Variants in DPH6 observed in about 807,000 individuals in gnomAD.
The protein encoded by DPH6 is diphthamine biosynthesis 6.
Under a neutral mutation model 38.2 loss-of-function variants are expected in DPH6, and 33 were observed. That is an observed-to-expected ratio of 0.86 (90% CI 0.65 to 1.15). The LOEUF is 1.15. Among genes scored for constraint, DPH6 ranks in the 50% most tolerant of loss-of-function variants. The pLI is 0.00. For synonymous variants in DPH6, 108 were observed against 103.0 expected (o/e 1.05, Z -0.30); for missense variants, 325 against 320.0 (o/e 1.02, Z -0.12).
intron 3 of DPH6, among the ~76,000 whole-genome samples, chr15:35,245,340 G>T (rs1022390584): frequency 4.2e-5 from 6 of 141,360 alleles, no homozygotes; most frequent in Non-Finnish European, 7.5e-5. Flanking sequence ...CCGGGTTCAC[G>T]CCATTCTCCT....
intron 4 of DPH6, among the ~76,000 whole-genome samples, chr15:35,451,538 C>T (rs746611032): frequency 3.9e-5 from 6 of 152,122 alleles, no homozygotes; most frequent in Non-Finnish European, 7.4e-5. Flanking sequence ...TCCTTTTCTT[C>T]GCATTCCACA....
intron 3 of DPH6, among the ~76,000 whole-genome samples, chr15:35,224,100 GTTTTTTTT>G (rs142813866): frequency 1.5e-4 from 13 of 88,910 alleles, no homozygotes; most frequent in South Asian, 4.6e-4. Flanking sequence ...CATGATTTTA[GTTTTTTTT>G]TTTTTTTTTT....
chr15:35,513,010 T>C (rs1041427944), intron 3 of DPH6, among the ~76,000 whole-genome samples: 1 of 152,032 alleles, frequency 6.6e-6, no homozygotes, highest in Non-Finnish European at 1.5e-5. Context: ...AGGCACATGA[T>C]AGAATATTAA....
intron 5 of DPH6, among the ~76,000 whole-genome samples, chr15:35,438,332 A>C (rs1004212081): frequency 3.9e-5 from 6 of 152,132 alleles, no homozygotes; most frequent in African/African-American, 1.4e-4. Context: ...ATCTCAGCTT[A>C]CTGCAACCTC....
the DPH6 span, among the ~76,000 whole-genome samples, chr15:35,206,035 T>C: frequency 6.6e-6 from 1 of 152,160 alleles, no homozygotes; most frequent in Non-Finnish European, 1.5e-5. Context: ...GATTTGGTAG[T>C]ATTTAAGAAA....
chr15:35,173,474 TCTC>T, the DPH6 span, among the ~76,000 whole-genome samples: 913 of 152,242 alleles, frequency 6.0e-3, 11 homozygotes, highest in African/African-American at 0.021. Flanking sequence ...TCCTAACTGG[TCTC>T]CTCAACTCCA....
intron 7 of DPH6, among the ~76,000 whole-genome samples, chr15:35,377,600 AG>A (rs2052798899): frequency 6.6e-6 from 1 of 152,172 alleles, no homozygotes; most frequent in South Asian, 2.1e-4. Context: ...CTTAAAAGCT[AG>A]GCTATAATTC....
At chr15:35,414,814 T>C (rs1354460043) in intron 5 of DPH6, among the ~76,000 whole-genome samples, 1 of 151,872 alleles carries the variant, frequency 6.6e-6, no homozygotes, top group Non-Finnish European at 1.5e-5. Context: ...TTCATGACTA[T>C]GTTTCATTTC....
intron 3 of DPH6, among the ~76,000 whole-genome samples, chr15:35,496,568 ATAT>A (rs1395592062): frequency 1.8e-4 from 9 of 50,684 alleles, no homozygotes; most frequent in African/African-American, 7.4e-4. Flanking sequence ...AAAAAAAAAA[ATAT>A]ATATATATAT....
chr15:35,456,488 T>A (rs1464101042), intron 3 of DPH6, among the ~76,000 whole-genome samples: 2 of 141,450 alleles, frequency 1.4e-5, no homozygotes, highest in African/African-American at 2.9e-5. Flanking sequence ...TTTATTTATT[T>A]ATTATTATTT....
the DPH6 span, among the ~76,000 whole-genome samples, chr15:35,149,934 G>C: frequency 6.6e-6 from 1 of 152,192 alleles, no homozygotes; most frequent in Non-Finnish European, 1.5e-5. Context: ...TGGACAGTGA[G>C]TGCAGAAATA....
At chr15:35,246,903 T>C (rs318342) in intron 3 of DPH6, among the ~76,000 whole-genome samples, 83,693 of 152,048 alleles carry the variant, frequency 0.55, 26,639 homozygotes, top group Non-Finnish European at 0.73. Flanking sequence ...TTTATGGCTG[T>C]GTAGATCTTC....
the DPH6 span, among the ~76,000 whole-genome samples, chr15:35,157,689 G>T: frequency 2.0e-5 from 3 of 152,030 alleles, no homozygotes; most frequent in African/African-American, 7.2e-5. Context: ...GAGACACACA[G>T]AATGGATGCT....
chr15:35,300,249 A>T (rs1427654273), intron 3 of DPH6, among the ~76,000 whole-genome samples: 1 of 152,266 alleles, frequency 6.6e-6, no homozygotes, highest in African/African-American at 2.4e-5. Context: ...CATAGGCCAC[A>T]GTGAGAAGCT....
chr15:35,216,643 C>G (rs778839044), downstream of DPH6, among the ~76,000 whole-genome samples: 4 of 152,016 alleles, frequency 2.6e-5, no homozygotes, highest in Non-Finnish European at 5.9e-5. Context: ...AAATTTTTAC[C>G]AAGTGCCTAT....
chr15:35,363,094 T>C (rs1348973387), intron 3 of DPH6, among the ~76,000 whole-genome samples: 1 of 152,196 alleles, frequency 6.6e-6, no homozygotes, highest in Non-Finnish European at 1.5e-5. Flanking sequence ...CTAGTTTCCT[T>C]GAAAATAATA....
At chr15:35,298,634 A>G in intron 3 of DPH6, 2 of 1,045,754 alleles carry the variant, frequency 1.9e-6, no homozygotes, top group Non-Finnish European at 3.0e-6. Flanking sequence ...CTTGCCACCA[A>G]GCTTGCTGGT....
At chr15:35,294,526 C>T (rs2052001863) in intron 3 of DPH6, among the ~76,000 whole-genome samples, 1 of 152,124 alleles carries the variant, frequency 6.6e-6, no homozygotes, top group African/African-American at 2.4e-5. Flanking sequence ...TCAACAGTAC[C>T]TCCTGTTGGT....
intron 1 of DPH6, among the ~76,000 whole-genome samples, chr15:35,544,112 G>GT (rs1168283916): frequency 1.3e-5 from 2 of 152,172 alleles, no homozygotes; most frequent in African/African-American, 4.8e-5. Flanking sequence ...AAGTACACAT[G>GT]TATGTTAGGT....
Sources: gnomAD v4.1 joint callset for allele counts (sites outside exome capture counted in the v4.1 genomes callset) on GRCh38, gnomAD v4.1.1 for gene constraint, MANE v1.5 for transcripts, NCBI Gene and HGNC (gene_info 2026-07-23, HGNC 2026-07-21) for gene names.